GPM6A: variants seen among roughly 807,000 people sequenced by gnomAD.
The protein encoded by GPM6A is glycoprotein M6A, also known as neuronal membrane glycoprotein M6-a.
A neutral mutation model predicts 32.1 loss-of-function variants in GPM6A; 7 were observed. The observed-to-expected ratio is 0.22, with a 90% CI of 0.12 to 0.41. The LOEUF is 0.41. Ranked by LOEUF, GPM6A falls within the 10% of genes least tolerant of loss-of-function variation. GPM6A has a pLI of 1.00. For missense variants in GPM6A, 235 were observed against 347.2 expected, an observed-to-expected ratio of 0.68 and a Z score of 2.57; for synonymous variants, 130 against 123.4, an observed-to-expected ratio of 1.05 and a Z score of -0.35.
chr4:175,638,861 G>A (rs1740965883), intron 6 of GPM6A, among the ~76,000 whole-genome samples: 1 of 152,064 alleles, frequency 6.6e-6, no homozygotes, highest in Non-Finnish European at 1.5e-5. Flanking sequence ...TTTCTCCTAA[G>A]GACAATAATG....
At chr4:175,897,419 T>A (rs772018869) in intron 1 of GPM6A, among the ~76,000 whole-genome samples, 12 of 152,176 alleles carry the variant, frequency 7.9e-5, no homozygotes, top group Non-Finnish European at 1.6e-4. Context: ...GGAAAGCCTG[T>A]GAAATGCGGT....
intron 3 of GPM6A, among the ~76,000 whole-genome samples, chr4:175,662,167 C>T (rs1002058333): frequency 6.6e-6 from 1 of 152,008 alleles, no homozygotes; most frequent in Admixed American, 6.6e-5. Context: ...AAATATATGC[C>T]ACAGTGTGAT....
At chr4:175,676,039 A>G (rs1743348306) in intron 2 of GPM6A, among the ~76,000 whole-genome samples, 1 of 151,936 alleles carries the variant, frequency 6.6e-6, no homozygotes, top group African/African-American at 2.4e-5. Context: ...TTCTTGTGAT[A>G]GTGAGTGAGT....
chr4:175,709,424 CTT>C, intron 1 of GPM6A, among the ~76,000 whole-genome samples: 1 of 151,904 alleles, frequency 6.6e-6, no homozygotes, highest in East Asian at 1.9e-4. Context: ...GTTTTACACT[CTT>C]TGTTTGCTAT....
intron 2 of GPM6A, among the ~76,000 whole-genome samples, chr4:175,686,399 T>C (rs926675352): frequency 6.6e-6 from 1 of 152,210 alleles, no homozygotes; most frequent in Non-Finnish European, 1.5e-5. Flanking sequence ...TGGCATAAAT[T>C]GTGATTGAAA....
At chr4:175,665,055 T>C (rs982167947) in intron 3 of GPM6A, among the ~76,000 whole-genome samples, 1 of 152,144 alleles carries the variant, frequency 6.6e-6, no homozygotes, top group Non-Finnish European at 1.5e-5. Context: ...AAAAATATGG[T>C]ATTGAAAGCC....
At chr4:175,812,104 C>G (rs749856489) in intron 1 of GPM6A, 87 bp downstream of exon 1, 15 of 978,268 alleles carry the variant, frequency 1.5e-5, no homozygotes, top group Non-Finnish European at 2.2e-5. Context: ...GAGAAACATT[C>G]ATTAGCCTTA....
intron 1 of GPM6A, among the ~76,000 whole-genome samples, chr4:175,911,013 T>C (rs13144028): frequency 0.63 from 95,562 of 152,050 alleles, 36,288 homozygotes; most frequent in Non-Finnish European, 0.83. Flanking sequence ...GCTGGCTCAC[T>C]CTTATACACA....
At chr4:175,644,984 C>T (rs1011720754) in intron 4 of GPM6A, among the ~76,000 whole-genome samples, 7 of 152,050 alleles carry the variant, frequency 4.6e-5, no homozygotes, top group African/African-American at 1.7e-4. Flanking sequence ...TGGTGGTCAC[C>T]AGCTACTTGG....
chr4:175,703,700 G>A (rs1259536652), intron 1 of GPM6A, among the ~76,000 whole-genome samples: 3 of 152,204 alleles, frequency 2.0e-5, no homozygotes, highest in Non-Finnish European at 4.4e-5. Context: ...AACTAGAAAT[G>A]CTTAAGTATA....
chr4:175,968,313 G>A (rs1740393549), intron 1 of GPM6A, among the ~76,000 whole-genome samples: 1 of 152,126 alleles, frequency 6.6e-6, no homozygotes, highest in Non-Finnish European at 1.5e-5. Flanking sequence ...CCACAAAACT[G>A]TAAATATCTT....
chr4:175,912,594 G>T (rs998425876), intron 1 of GPM6A, among the ~76,000 whole-genome samples: 12 of 152,202 alleles, frequency 7.9e-5, no homozygotes, highest in African/African-American at 2.9e-4. Context: ...GGCAGAGGTT[G>T]CAGTAAGCCA....
chr4:175,690,868 G>A (rs1436260938), intron 2 of GPM6A, among the ~76,000 whole-genome samples: 6 of 152,166 alleles, frequency 3.9e-5, no homozygotes, highest in Admixed American at 6.5e-5. Context: ...ACAAGCTATA[G>A]ACTTCATTGA....
chr4:175,851,182 C>A (rs1350076643), intron 1 of GPM6A, among the ~76,000 whole-genome samples: 1 of 150,926 alleles, frequency 6.6e-6, no homozygotes, highest in Non-Finnish European at 1.5e-5. Flanking sequence ...CATGGTGAAA[C>A]CCCGTCTCTA....
At chr4:175,672,485 AT>A (rs1487564166) in intron 3 of GPM6A, among the ~76,000 whole-genome samples, 2 of 152,206 alleles carry the variant, frequency 1.3e-5, no homozygotes, top group Non-Finnish European at 2.9e-5. Flanking sequence ...TAAAATCGGA[AT>A]TTGCCTTTTT....
At chr4:175,776,851 T>C (rs1733416339) in intron 1 of GPM6A, among the ~76,000 whole-genome samples, 1 of 152,130 alleles carries the variant, frequency 6.6e-6, no homozygotes, top group African/African-American at 2.4e-5. Flanking sequence ...TTCATATACA[T>C]TGAAATGACG....
intron 1 of GPM6A, among the ~76,000 whole-genome samples, chr4:175,832,489 G>A (rs1157778602): frequency 1.4e-5 from 2 of 145,472 alleles, no homozygotes; most frequent in Non-Finnish European, 3.0e-5. Flanking sequence ...ATCATAAATT[G>A]TGGTAGGTAC....
intron 1 of GPM6A, among the ~76,000 whole-genome samples, chr4:175,925,966 C>T (rs1579633160): frequency 6.6e-6 from 1 of 151,838 alleles, no homozygotes; most frequent in African/African-American, 2.4e-5. Context: ...ATTCTCCTGC[C>T]CCAGCCTCCC....
At chr4:175,692,638 T>C (rs1249137759) in intron 2 of GPM6A, among the ~76,000 whole-genome samples, 4 of 152,140 alleles carry the variant, frequency 2.6e-5, no homozygotes, top group African/African-American at 4.8e-5. Context: ...TACATTTTAA[T>C]GTTTTTATAA....
Sources: allele counts gnomAD v4.1 joint callset (sites outside exome capture counted in the v4.1 genomes callset), GRCh38; gene constraint gnomAD v4.1.1; transcripts MANE v1.5; gene names NCBI Gene and HGNC (gene_info 2026-07-23, HGNC 2026-07-21).